The following MDFIC2 variants were observed in gnomAD, a reference collection of about 807,000 sequenced individuals.
The protein encoded by MDFIC2 is MyoD family inhibitor domain containing 2.
chr3:70,217,332 A>G (rs1359268570), intron 2 of MDFIC2, among the ~76,000 whole-genome samples: 4 of 152,146 alleles, frequency 2.6e-5, no homozygotes, highest in Admixed American at 2.6e-4. Flanking sequence ...CATTGTTGTC[A>G]TGATTTTAAA....
intron 2 of MDFIC2, among the ~76,000 whole-genome samples, chr3:70,261,864 A>G (rs745649047): frequency 2.6e-5 from 4 of 152,226 alleles, no homozygotes; most frequent in Non-Finnish European, 2.9e-5. Context: ...TTTAGAAACA[A>G]GGGGTTTGTT....
chr3:70,213,631 T>C (rs1389420391), intron 2 of MDFIC2, among the ~76,000 whole-genome samples: 1 of 152,134 alleles, frequency 6.6e-6, no homozygotes, highest in African/African-American at 2.4e-5. Context: ...GAAGTGACAC[T>C]GTATAGAGAA....
At chr3:70,243,939 G>C (rs1182977073) in intron 2 of MDFIC2, among the ~76,000 whole-genome samples, 1 of 152,044 alleles carries the variant, frequency 6.6e-6, no homozygotes, top group Non-Finnish European at 1.5e-5. Flanking sequence ...AGGAGGTAAG[G>C]GTCACCTTTT....
intron 2 of MDFIC2, among the ~76,000 whole-genome samples, chr3:70,263,146 A>G (rs1701884245): frequency 1.3e-5 from 2 of 152,038 alleles, no homozygotes; most frequent in South Asian, 2.1e-4. Context: ...TATAAACTCT[A>G]TATTTGTCAT....
At chr3:70,294,220 GA>G (rs1384539319) in intron 2 of MDFIC2, among the ~76,000 whole-genome samples, 1 of 152,068 alleles carries the variant, frequency 6.6e-6, no homozygotes, top group African/African-American at 2.4e-5. Flanking sequence ...TTATTCTTTA[GA>G]ATAAAAATTA....
chr3:70,298,663 G>T (rs1702315370), intron 2 of MDFIC2, among the ~76,000 whole-genome samples: 1 of 152,024 alleles, frequency 6.6e-6, no homozygotes, highest in Non-Finnish European at 1.5e-5. Context: ...ATGAGTAATA[G>T]GTTTAAAAAT....
rs2106716052 is a variant in MDFIC2, at chr3:70,196,478, C to A, written c.*448G>T. On this transcript the variant is annotated 3_prime_UTR_variant, in exon 4 of 4. Coordinates refer to ENST00000567252, the MANE Select transcript of MDFIC2 (RefSeq NM_001364677.1). The stretch of plus-strand genomic sequence containing the variant: ...TTATACAATACATTATTAATAATAA[C>A]CAACAATGCATAATGTTTATGCATG... Among the ~76,000 whole-genome samples the A allele has an allele frequency of 6.6e-6, 1 of 152,198 alleles. No individual in the cohort carries two copies. The highest frequency in any genetic ancestry group is 2.4e-5 in the African/African-American group (1 of 41,532).
At chr3:70,260,574 C>A (rs13089371) in intron 2 of MDFIC2, among the ~76,000 whole-genome samples, 59,819 of 151,620 alleles carry the variant, frequency 0.39, 13,090 homozygotes, top group Non-Finnish European at 0.51. Flanking sequence ...AAGGGAAGGT[C>A]TGCATATTTT....
chr3:70,249,675 G>C (rs1701741347), intron 2 of MDFIC2: 1 of 152,166 alleles, frequency 6.6e-6, no homozygotes. Flanking sequence ...AGCACAGTGA[G>C]AGTCATCCTT....
intron 2 of MDFIC2, among the ~76,000 whole-genome samples, chr3:70,273,499 A>C (rs896464304): frequency 6.6e-6 from 1 of 152,154 alleles, no homozygotes; most frequent in African/African-American, 2.4e-5. Context: ...CTAAAACAGT[A>C]AACTCCAGAT....
intron 2 of MDFIC2, among the ~76,000 whole-genome samples, chr3:70,238,271 T>G (rs993445559): frequency 6.6e-6 from 1 of 151,906 alleles, no homozygotes; most frequent in Non-Finnish European, 1.5e-5. Context: ...TAAACACTAT[T>G]TGGGCTTTGG....
chr3:70,240,832 G>T (rs1205259362), intron 2 of MDFIC2, among the ~76,000 whole-genome samples: 10 of 152,074 alleles, frequency 6.6e-5, no homozygotes. Context: ...ATATTAAGTG[G>T]TGTTCTGAAA....
In MDFIC2 at chr3:70,194,620, A is replaced by C. The variant is rs1701157712; in HGVS notation, c.*2306T>G. ...AACAAACCGTGGAAAGCAAGGCCAC[A>C]GAAAGATCTTGTAGTGTTCTGACCA... On this transcript the variant is annotated 3_prime_UTR_variant, in exon 4 of 4. Transcript: ENST00000567252. Among the ~76,000 whole-genome samples, 2 of 152,242 alleles carry C rather than the reference A, an allele frequency of 1.3e-5. No homozygotes were observed. Among genetic ancestry groups the C allele is most frequent in the African/African-American group, 4.8e-5 (2 of 41,474 alleles).
chr3:70,255,328 C>G (rs1250226982), intron 2 of MDFIC2, among the ~76,000 whole-genome samples: 3 of 152,088 alleles, frequency 2.0e-5, no homozygotes, highest in African/African-American at 7.2e-5. Context: ...AGTAAAAGTG[C>G]AGAAATAAAA....
chr3:70,237,977 A>ATGTTTTTTTTTTTTTTT (rs1251005797), intron 2 of MDFIC2, among the ~76,000 whole-genome samples: 1 of 13,008 alleles, frequency 7.7e-5, no homozygotes, highest in Non-Finnish European at 1.4e-4. Context: ...ATTGAGTGGT[A>ATGTTTTTTTTTTTTTTT]TCTTTTTTTT....
chr3:70,285,130 A>G (rs1209448830), intron 2 of MDFIC2, among the ~76,000 whole-genome samples: 1 of 151,422 alleles, frequency 6.6e-6, no homozygotes, highest in African/African-American at 2.4e-5. Flanking sequence ...ATATGTATAC[A>G]TGTGCCATGC....
chr3:70,208,562 G>C (rs1447117386), intron 2 of MDFIC2, among the ~76,000 whole-genome samples: 1 of 151,984 alleles, frequency 6.6e-6, no homozygotes, highest in Non-Finnish European at 1.5e-5. Context: ...CACAATCCTT[G>C]GTGGGATGGG....
chr3:70,220,769 T>C (rs1159288118), intron 2 of MDFIC2, among the ~76,000 whole-genome samples: 1 of 152,168 alleles, frequency 6.6e-6, no homozygotes, highest in Non-Finnish European at 1.5e-5. Flanking sequence ...TGCCCACCCT[T>C]ATGAAGATTT....
intron 2 of MDFIC2, among the ~76,000 whole-genome samples, chr3:70,282,394 C>A (rs1422113548): frequency 6.6e-6 from 1 of 152,160 alleles, no homozygotes; most frequent in Non-Finnish European, 1.5e-5. Flanking sequence ...CTTTGTAAAT[C>A]CGATCATGTT....
Sources: allele counts gnomAD v4.1 joint callset (sites outside exome capture counted in the v4.1 genomes callset), GRCh38; gene constraint gnomAD v4.1.1; transcripts MANE v1.5; gene names NCBI Gene and HGNC (gene_info 2026-07-23, HGNC 2026-07-21).